Variants in RTN4 observed in about 807,000 individuals in gnomAD.
The protein encoded by RTN4 is reticulon 4.
RTN4 carries 32 observed loss-of-function variants against 90.4 expected under a neutral mutation model. The ratio of observed to expected loss-of-function variants is 0.35; its 90% CI spans 0.27 to 0.48. RTN4 has a LOEUF of 0.48. Among genes scored for constraint, RTN4 ranks in the 20% least tolerant of loss-of-function variants. RTN4 has a pLI of 0.99. For synonymous variants in RTN4, 629 were observed against 552.5 expected (o/e 1.14, Z -1.94); for missense variants, 1,706 against 1,430.2 (o/e 1.19, Z -3.11).
the RTN4 span, among the ~76,000 whole-genome samples, chr2:55,137,348 G>A: frequency 6.6e-6 from 1 of 152,200 alleles, no homozygotes. Flanking sequence ...GCCGTGCTGA[G>A]GGTGACCTCT....
At chr2:55,010,770 A>C (rs73936805) in intron 3 of RTN4, among the ~76,000 whole-genome samples, 4,370 of 152,302 alleles carry the variant, frequency 0.029, 200 homozygotes, top group African/African-American at 0.097. Context: ...ACTAATGTTT[A>C]TTGAACATAT....
rs79677163 is a variant in RTN4, at chr2:55,067,238, G to C, written c.-63+13251C>G. ...TCAATTTTCTTCAGTATAAGATAAAGAATATGATACCTGACCTGCAGGATT... is the reference window on the plus strand; with the variant it reads ...TCAATTTTCTTCAGTATAAGATAAACAATATGATACCTGACCTGCAGGATT... On this transcript the variant is annotated intron_variant, in intron 2 of 3. Coordinates refer to the RTN4 transcript ENST00000427710. Among the ~76,000 whole-genome samples the C allele has an allele frequency of 5.4e-3, 815 of 152,192 alleles. 10 individuals are homozygous for C. Among genetic ancestry groups the C allele is most frequent in the African/African-American group, 0.019 (769 of 41,516 alleles).
intron 3 of RTN4, among the ~76,000 whole-genome samples, chr2:54,998,818 A>G (rs888411251): frequency 2.6e-5 from 4 of 152,312 alleles, no homozygotes; most frequent in African/African-American, 9.6e-5. Flanking sequence ...CTCAGTAATC[A>G]CTTTAGTGGT....
At chr2:55,075,162 C>G (rs1235059428) in intron 2 of RTN4, among the ~76,000 whole-genome samples, 2 of 152,202 alleles carry the variant, frequency 1.3e-5, no homozygotes, top group Non-Finnish European at 2.9e-5. Flanking sequence ...ATGACATGGT[C>G]TTATACCTAG....
At chr2:55,121,952 T>A in the RTN4 span, among the ~76,000 whole-genome samples, 1 of 152,104 alleles carries the variant, frequency 6.6e-6, no homozygotes, top group African/African-American at 2.4e-5. Flanking sequence ...TTTAGCCGTA[T>A]TTCTGCTAGG....
chr2:55,072,160 C>T (rs7419411), intron 2 of RTN4, among the ~76,000 whole-genome samples: 144 of 124,128 alleles, frequency 1.2e-3, no homozygotes, highest in African/African-American at 3.0e-3. Flanking sequence ...TTTTTTTTTT[C>T]AAAAAAAAAT....
intron 3 of RTN4, among the ~76,000 whole-genome samples, chr2:55,004,137 C>T (rs922996408): frequency 2.0e-5 from 3 of 152,156 alleles, no homozygotes; most frequent in African/African-American, 4.8e-5. Flanking sequence ...AATACCTGTA[C>T]TAAATGACTA....
At chr2:55,070,688 A>G (rs1056547816) in intron 2 of RTN4, among the ~76,000 whole-genome samples, 4 of 152,040 alleles carry the variant, frequency 2.6e-5, no homozygotes, top group African/African-American at 7.2e-5. Flanking sequence ...TCACCGGTCT[A>G]TTATTATCTC....
At chr2:54,982,389 G>A (rs967181130) in intron 5 of RTN4, 126 bp downstream of exon 5, 3 of 847,638 alleles carry the variant, frequency 3.5e-6, no homozygotes, top group South Asian at 4.1e-5. Flanking sequence ...TAAAACACAA[G>A]TTTACAGCCA....
intron 3 of RTN4, among the ~76,000 whole-genome samples, chr2:55,005,170 T>C (rs1042832342): frequency 4.6e-5 from 7 of 152,260 alleles, no homozygotes; most frequent in African/African-American, 1.7e-4. Flanking sequence ...GAAACTTCAT[T>C]TGAAAAGTAA....
At chr2:55,121,917 A>G in the RTN4 span, among the ~76,000 whole-genome samples, 1 of 152,146 alleles carries the variant, frequency 6.6e-6, no homozygotes, top group Non-Finnish European at 1.5e-5. Context: ...AAAAACAAAA[A>G]GATTGCTAGA....
intron 2 of RTN4, among the ~76,000 whole-genome samples, chr2:55,078,463 C>T (rs1471264681): frequency 6.6e-6 from 1 of 152,164 alleles, no homozygotes; most frequent in Non-Finnish European, 1.5e-5. Context: ...TATTCCAGTT[C>T]TTCTTCTACA....
chr2:55,124,488 C>A, the RTN4 span, among the ~76,000 whole-genome samples: 2 of 152,124 alleles, frequency 1.3e-5, no homozygotes, highest in South Asian at 4.1e-4. Flanking sequence ...AATAAAATAC[C>A]TAGGAATACA....
chr2:55,023,058 T>G (rs535136429), intron 3 of RTN4, among the ~76,000 whole-genome samples: 1 of 152,134 alleles, frequency 6.6e-6, no homozygotes, highest in Admixed American at 6.6e-5. Context: ...TCACTGACCA[T>G]CTACTCTCCT....
chr2:54,985,153 CTTTTTTTTT>C (rs71769973), intron 4 of RTN4, among the ~76,000 whole-genome samples: 8 of 57,894 alleles, frequency 1.4e-4, no homozygotes, highest in Admixed American at 3.0e-4. Context: ...ATGACTCGGC[CTTTTTTTTT>C]TTTTTTTTTT....
chr2:55,129,522 A>G, the RTN4 span, among the ~76,000 whole-genome samples: 2 of 152,146 alleles, frequency 1.3e-5, no homozygotes, highest in Non-Finnish European at 2.9e-5. Flanking sequence ...TCAACGTTAC[A>G]GAGAGCTATG....
rs1053023991 is a variant in RTN4, at chr2:55,081,202, T to A, written c.-213-563A>T. On this transcript the variant is annotated intron_variant, in intron 1 of 3. Transcript: ENST00000427710. ...GATCCTCCTGCCTCAGCCTCTGAAG[T>A]AGCTGGGACCACAGGTGCTCGCCAC... 2.6e-5 allele frequency among the ~76,000 whole-genome samples: 4 copies of A among 152,254 alleles called. No homozygotes were observed. In the South Asian group the frequency reaches 8.3e-4, roughly 32 times the overall value.
chr2:55,042,549 G>A (rs572396747), intron 1 of RTN4, among the ~76,000 whole-genome samples: 1 of 152,126 alleles, frequency 6.6e-6, no homozygotes, highest in Non-Finnish European at 1.5e-5. Flanking sequence ...ACTAACAGAG[G>A]GTGGATCTAC....
At chr2:55,034,120 A>G (rs1481977506) in intron 1 of RTN4, among the ~76,000 whole-genome samples, 1 of 152,238 alleles carries the variant, frequency 6.6e-6, no homozygotes, top group African/African-American at 2.4e-5. Flanking sequence ...ACAATGATTC[A>G]GTATTTGCTA....
Sources: allele counts gnomAD v4.1 joint callset (sites outside exome capture counted in the v4.1 genomes callset), GRCh38; gene constraint gnomAD v4.1.1; transcripts MANE v1.5; gene names NCBI Gene and HGNC (gene_info 2026-07-23, HGNC 2026-07-21).